Variants in SOX5 observed in about 807,000 individuals in gnomAD.
SOX5 encodes SRY-box transcription factor 5, also known as transcription factor SOX-5.
A neutral mutation model predicts 92.0 loss-of-function variants in SOX5; 9 were observed. The observed-to-expected ratio is 0.10, with a 90% CI of 0.06 to 0.17. SOX5 has a LOEUF of 0.17. Among genes scored for constraint, SOX5 ranks in the 10% least tolerant of loss-of-function variants. SOX5 has a pLI of 1.00. For synonymous variants in SOX5, 344 were observed against 336.3 expected, an observed-to-expected ratio of 1.02 and a Z score of -0.25; for missense variants, 642 against 944.5, an observed-to-expected ratio of 0.68 and a Z score of 4.20.
In SOX5 at chr12:23,536,441, A is replaced by G. The variant is rs1940486746; in HGVS notation, c.1988+12T>C. ...GTTTGCCCCATGAGAAAAATGACTAAAAGGTACATACCCAACATTGAAGTA... is the reference window on the plus strand; with the variant it reads ...GTTTGCCCCATGAGAAAAATGACTAGAAGGTACATACCCAACATTGAAGTA... On this transcript the variant is annotated intron_variant, in intron 14 of 14. Coordinates refer to ENST00000451604, the MANE Select transcript of SOX5 (RefSeq NM_006940.6). 1.2e-6 allele frequency: 2 copies of G among 1,607,480 alleles called. No homozygotes were observed. The highest frequency in any genetic ancestry group is 1.7e-6 in the Non-Finnish European group (2 of 1,174,394).
At chr12:23,855,493 T>A (rs1360072453) in intron 2 of SOX5, among the ~76,000 whole-genome samples, 4 of 152,006 alleles carry the variant, frequency 2.6e-5, no homozygotes, top group Non-Finnish European at 2.9e-5. Flanking sequence ...AAATGAAGAG[T>A]AATGGATTGT....
intron 3 of SOX5, among the ~76,000 whole-genome samples, chr12:23,797,547 A>G (rs2095587099): frequency 6.6e-6 from 1 of 152,026 alleles, no homozygotes; most frequent in South Asian, 2.1e-4. Context: ...CCATATCCTT[A>G]GAGTAGGTCC....
chr12:23,845,977 C>T lies in SOX5; in HGVS notation c.481+6G>A. 4 of 1,611,692 alleles carry T rather than the reference C, an allele frequency of 2.5e-6. No homozygotes were observed. Among genetic ancestry groups the T allele is most frequent in the Non-Finnish European group, 3.4e-6 (4 of 1,177,798 alleles). On this transcript the variant is annotated splice_donor_region_variant and intron_variant, in intron 3 of 14. Transcript: ENST00000451604. ...CATCAACTTTGTTTTCTCTTCCAGC[C>T]TTTACCTTCCGGCTCGTTTTTGATG...
intron 1 of SOX5, among the ~76,000 whole-genome samples, chr12:24,376,689 CCTTTTTTTTTTTTTTTT>C (rs1957301448): frequency 2.1e-5 from 2 of 93,084 alleles, no homozygotes; most frequent in African/African-American, 4.1e-5. Context: ...GGGAGAGATA[CCTTTTTTTTTTTTTTTT>C]TTTTTTTTTT....
At chr12:24,045,287 A>G (rs1212203624) in intron 4 of SOX5, among the ~76,000 whole-genome samples, 1 of 152,190 alleles carries the variant, frequency 6.6e-6, no homozygotes, top group African/African-American at 2.4e-5. Context: ...GGATTGTTTC[A>G]AGGACCAAAG....
chr12:23,661,505 C>A (rs2083051225), intron 7 of SOX5, among the ~76,000 whole-genome samples: 1 of 152,116 alleles, frequency 6.6e-6, no homozygotes, highest in African/African-American at 2.4e-5. Context: ...TAGGCTGACA[C>A]CAACATGAAC....
intron 4 of SOX5, among the ~76,000 whole-genome samples, chr12:24,052,510 A>G (rs953035307): frequency 5.3e-5 from 8 of 152,192 alleles, no homozygotes; most frequent in African/African-American, 1.9e-4. Flanking sequence ...TAGTTAAATT[A>G]CCAATTTAAA....
At chr12:24,407,269 A>C (rs763075964) in intron 1 of SOX5, among the ~76,000 whole-genome samples, 2 of 152,180 alleles carry the variant, frequency 1.3e-5, no homozygotes, top group Admixed American at 6.5e-5. Context: ...CTGACAAGAG[A>C]TGGTAAGACA....
At chr12:23,821,499 T>C (rs959589437) in intron 3 of SOX5, among the ~76,000 whole-genome samples, 4 of 152,244 alleles carry the variant, frequency 2.6e-5, no homozygotes, top group African/African-American at 4.8e-5. Context: ...CCTTGTCTTG[T>C]GACGGTTTTC....
chr12:24,132,931 C>T (rs1949782622), intron 4 of SOX5, among the ~76,000 whole-genome samples: 1 of 152,120 alleles, frequency 6.6e-6, no homozygotes, highest in South Asian at 2.1e-4. Context: ...GAAAGGACTG[C>T]CCAAAGTACC....
chr12:23,858,002 G>T (rs933577577), intron 2 of SOX5, among the ~76,000 whole-genome samples: 3 of 152,082 alleles, frequency 2.0e-5, no homozygotes, highest in Admixed American at 1.3e-4. Context: ...CCAAAGTGCT[G>T]GGATTACAGG....
intron 4 of SOX5, among the ~76,000 whole-genome samples, chr12:24,070,127 GC>G: frequency 6.6e-6 from 1 of 152,278 alleles, no homozygotes; most frequent in African/African-American, 2.4e-5. Flanking sequence ...CTTCAGCAGT[GC>G]AAGCAGAAAC....
chr12:23,613,664 G>T (rs761286377), intron 8 of SOX5, among the ~76,000 whole-genome samples: 1 of 152,132 alleles, frequency 6.6e-6, no homozygotes, highest in Non-Finnish European at 1.5e-5. Context: ...TACACACAAT[G>T]AATTATTATT....
At chr12:23,845,173 T>C (rs747104834) in intron 3 of SOX5, among the ~76,000 whole-genome samples, 6 of 152,226 alleles carry the variant, frequency 3.9e-5, no homozygotes, top group Non-Finnish European at 5.9e-5. Context: ...TTATAAAGTA[T>C]GTCTGCACAT....
At chr12:24,348,955 T>A (rs1953699523) in intron 2 of SOX5, among the ~76,000 whole-genome samples, 1 of 152,208 alleles carries the variant, frequency 6.6e-6, no homozygotes, top group Admixed American at 6.5e-5. Flanking sequence ...CTGTGAGGCC[T>A]CTCCAGCCAT....
At chr12:24,187,584 G>C (rs996064792) in intron 4 of SOX5, among the ~76,000 whole-genome samples, 2 of 151,902 alleles carry the variant, frequency 1.3e-5, no homozygotes, top group Non-Finnish European at 2.9e-5. Context: ...TCTCTATCCC[G>C]GACCTCTCAC....
At chr12:23,594,073 T>C (rs940437936) in intron 9 of SOX5, among the ~76,000 whole-genome samples, 2 of 152,208 alleles carry the variant, frequency 1.3e-5, no homozygotes, top group African/African-American at 4.8e-5. Flanking sequence ...CATGTAATAG[T>C]GTTAGTGTCA....
intron 4 of SOX5, among the ~76,000 whole-genome samples, chr12:24,182,801 C>T (rs1955640271): frequency 6.6e-6 from 1 of 152,168 alleles, no homozygotes; most frequent in African/African-American, 2.4e-5. Context: ...GCAACTTCCG[C>T]CTCACAGGTT....
At chr12:24,486,544 T>A (rs1389308307) in intron 1 of SOX5, among the ~76,000 whole-genome samples, 6 of 152,162 alleles carry the variant, frequency 3.9e-5, no homozygotes, top group African/African-American at 1.4e-4. Flanking sequence ...ATTTGGGAGG[T>A]ACCTTGTCCC....
Sources: gnomAD v4.1 joint callset for allele counts (sites outside exome capture counted in the v4.1 genomes callset) on GRCh38, gnomAD v4.1.1 for gene constraint, MANE v1.5 for transcripts, NCBI Gene and HGNC (gene_info 2026-07-23, HGNC 2026-07-21) for gene names.